The following USP13 variants were observed in gnomAD, a reference collection of about 807,000 sequenced individuals.
The protein encoded by USP13 is ubiquitin specific peptidase 13, also known as ubiquitin carboxyl-terminal hydrolase 13.
Under a neutral mutation model 107.8 loss-of-function variants are expected in USP13, and 68 were observed. The observed-to-expected ratio is 0.63, with a 90% confidence interval of 0.52 to 0.77. The LOEUF (loss-of-function observed/expected upper bound fraction) is 0.77, where lower values mean the gene tolerates loss of function less well. Ranked by LOEUF, USP13 falls within the 30% of genes least tolerant of loss-of-function variation. The probability of loss-of-function intolerance (pLI) is 0.00; values close to 1 mark genes in which losing one functional copy is unlikely to be tolerated. For synonymous variants in USP13, 377 were observed against 389.5 expected, an observed-to-expected ratio of 0.97 and a Z score of 0.38; for missense variants, 945 against 1,093.3, an observed-to-expected ratio of 0.86 and a Z score of 1.91.
chr3:179,737,729 C>A (rs1344782106), intron 10 of USP13, among the ~76,000 whole-genome samples: 1 of 152,192 alleles, frequency 6.6e-6, no homozygotes, highest in Non-Finnish European at 1.5e-5. Flanking sequence ...TTGAGGAATT[C>A]TTTGAGAGCT....
At chr3:179,756,950 T>A in intron 15 of USP13, 102 bp from the exon 16 acceptor site, 2 of 1,204,634 alleles carry the variant, frequency 1.7e-6, no homozygotes, top group Admixed American at 1.8e-5. Flanking sequence ...TCCCCAGGAG[T>A]GGGGAGGGCA....
At chr3:179,706,907 T>C (rs1466738871) in intron 4 of USP13, 27 bp from the exon 5 acceptor site, 1 of 1,588,888 alleles carries the variant, frequency 6.3e-7, no homozygotes, top group Admixed American at 1.9e-5. Flanking sequence ...ACTGTTTTTA[T>C]ATATTACATC....
At chr3:179,692,997 C>T (rs1002202197) in intron 3 of USP13, among the ~76,000 whole-genome samples, 1 of 152,114 alleles carries the variant, frequency 6.6e-6, no homozygotes, top group African/African-American at 2.4e-5. Context: ...CTTAGAAAAC[C>T]ACAAGGTGCA....
chr3:179,743,258 G>C (rs1189516003), intron 12 of USP13, among the ~76,000 whole-genome samples: 2 of 152,216 alleles, frequency 1.3e-5, no homozygotes, highest in South Asian at 2.1e-4. Context: ...GTTGGTGGGT[G>C]GGGGGAAAGG....
intron 19 of USP13, among the ~76,000 whole-genome samples, chr3:179,780,167 G>A (rs1313440313): frequency 6.6e-6 from 1 of 152,212 alleles, no homozygotes; most frequent in Non-Finnish European, 1.5e-5. Context: ...CTAAGATCAG[G>A]AAGAAGATAA....
intron 14 of USP13, among the ~76,000 whole-genome samples, chr3:179,752,659 A>G (rs955580326): frequency 2.6e-5 from 4 of 152,236 alleles, no homozygotes; most frequent in East Asian, 3.8e-4. Flanking sequence ...TAATGTGCAT[A>G]TGAATTATCT....
chr3:179,754,585 T>C, intron 14 of USP13, 147 bp from the exon 15 acceptor site: 1 of 1,119,542 alleles, frequency 8.9e-7, no homozygotes, highest in Middle Eastern at 3.3e-4. Context: ...TTAGTCTTCA[T>C]GAACCTGCTG....
At position 179,721,667 on chromosome 3, in the gene USP13, C is replaced by A; in HGVS notation, c.1088+78C>A. On this transcript the variant is annotated intron_variant, in intron 8 of 20. Coordinates refer to ENST00000263966, the MANE Select transcript of USP13 (RefSeq NM_003940.3). The surrounding 1 kb of genome is among the most constrained non-coding windows in gnomAD (Gnocchi z 4.3). The stretch of plus-strand genomic sequence containing the variant: ...GGTCCAGTCCACTCAGTGTGCGCTG[C>A]GAAGCCCATCTTTATTGCTTCAGGA... 1 of 1,470,588 alleles carries A rather than the reference C, an allele frequency of 6.8e-7. No individual in the cohort carries two copies. The highest frequency in any genetic ancestry group is 9.2e-7 in the Non-Finnish European group (1 of 1,089,064). The allele number at this position is 1,470,588 out of a possible 1,614,324, so 91.1% of individuals were successfully genotyped here.
chr3:179,653,507 A>AGTT lies in USP13; in HGVS notation c.168+116_168+118dup, dbSNP rs1330003771. The AGTT allele has an allele frequency of 2.1e-6, 3 of 1,413,188 alleles. No homozygotes were observed. In the East Asian group the frequency reaches 7.7e-5, roughly 36 times the overall value. The allele number at this position is 1,413,188 out of a possible 1,614,324, so 87.5% of individuals were successfully genotyped here. On this transcript the variant is annotated intron_variant, in intron 1 of 20. Transcript: ENST00000263966. The surrounding 1 kb of genome is among the most constrained non-coding windows in gnomAD (Gnocchi z 4.0). ...CCTCTTCTCTTCCTCCGGGCGGCAG[A>AGTT]GTTGGCTCAGGAACACTGCAGTTCG...
At chr3:179,763,973 A>C (rs757958214) in intron 17 of USP13, 29 bp from the exon 18 acceptor site, 24 of 1,562,226 alleles carry the variant, frequency 1.5e-5, no homozygotes, top group Middle Eastern at 1.7e-4. Flanking sequence ...AAAAAAAGGA[A>C]AAGACTTGGG....
chr3:179,787,961 C>CAA lies in USP13; in HGVS notation c.*3824_*3825dup, dbSNP rs1054592759. On this transcript the variant is annotated 3_prime_UTR_variant, in exon 21 of 21. Coordinates refer to ENST00000263966, the MANE Select transcript of USP13 (RefSeq NM_003940.3). ...TGAGGTACTTTGGCTCCATCCCCCT[C>CAA]AAAAACAAAACAAAAAATCCATTTA... is the stretch of plus-strand genomic sequence containing the variant. The CAA allele has an allele frequency of 2.6e-5, 4 of 152,194 alleles. No homozygotes were observed. The highest frequency in any genetic ancestry group is 9.6e-5 in the African/African-American group (4 of 41,456). 9.4% of individuals were successfully genotyped at this position (152,194 alleles called of 1,614,324 possible).
chr3:179,671,032 C>T (rs575964478), intron 1 of USP13, among the ~76,000 whole-genome samples: 1 of 152,022 alleles, frequency 6.6e-6, no homozygotes, highest in Non-Finnish European at 1.5e-5. Context: ...ATGGGTGGAT[C>T]ACTTGAGATC....
Position 179,763,731 on chromosome 3 carries a change from GT to G in USP13, c.2093-270del, listed in dbSNP as rs549165449. On this transcript the variant is annotated intron_variant, in intron 17 of 20. Coordinates refer to ENST00000263966, the MANE Select transcript of USP13 (RefSeq NM_003940.3). ...CCTCCCAAGTAGCTGGATTACAGGT[GT>G]GCACCACCATGCCCTGCTAATTTTT... is the stretch of plus-strand genomic sequence containing the variant. Among the ~76,000 whole-genome samples, 670 of 152,196 alleles carry G rather than the reference GT, an allele frequency of 4.4e-3. 4 individuals are homozygous for G. Among genetic ancestry groups the G allele is most frequent in the African/African-American group, 0.015 (637 of 41,518 alleles).
intron 19 of USP13, among the ~76,000 whole-genome samples, chr3:179,777,055 C>T (rs1715566927): frequency 1.3e-5 from 2 of 151,406 alleles, no homozygotes; most frequent in South Asian, 2.1e-4. Context: ...AGCAGGAGGT[C>T]GTGAATAATG....
intron 10 of USP13, among the ~76,000 whole-genome samples, chr3:179,731,029 G>C (rs1430780977): frequency 6.6e-6 from 1 of 152,152 alleles, no homozygotes; most frequent in Non-Finnish European, 1.5e-5. Flanking sequence ...TTTCCCTTTG[G>C]TAACACAGTC....
chr3:179,673,934 C>T (rs1281614833), intron 1 of USP13, among the ~76,000 whole-genome samples: 1 of 152,260 alleles, frequency 6.6e-6, no homozygotes, highest in South Asian at 2.1e-4. Flanking sequence ...CTCTTGTTGC[C>T]CAGGCTGGAG....
At chr3:179,756,206 C>T (rs548905302) in intron 15 of USP13, among the ~76,000 whole-genome samples, 5 of 152,164 alleles carry the variant, frequency 3.3e-5, no homozygotes, top group Admixed American at 2.0e-4. Flanking sequence ...GGGCAGATCA[C>T]GAAGTCAGGA....
chr3:179,750,666 A>G (rs1216930001), intron 13 of USP13, among the ~76,000 whole-genome samples: 1 of 152,218 alleles, frequency 6.6e-6, no homozygotes, highest in Non-Finnish European at 1.5e-5. Flanking sequence ...AAGGCTTTAT[A>G]GCTTTTACCT....
intron 4 of USP13, among the ~76,000 whole-genome samples, chr3:179,704,536 C>T (rs943065061): frequency 1.3e-5 from 2 of 152,098 alleles, no homozygotes; most frequent in Non-Finnish European, 2.9e-5. Flanking sequence ...GCTTAAAACT[C>T]TCAACGCTAC....
Sources: allele counts gnomAD v4.1 joint callset (sites outside exome capture counted in the v4.1 genomes callset), GRCh38; gene constraint gnomAD v4.1.1; non-coding constraint Gnocchi (gnomAD v3.1); transcripts MANE v1.5; gene names NCBI Gene and HGNC (gene_info 2026-07-23, HGNC 2026-07-21).